TLE2: variants seen among roughly 807,000 people sequenced by gnomAD.
TLE2 encodes TLE family member 2, transcriptional corepressor.
Under a neutral mutation model 97.2 loss-of-function variants are expected in TLE2, and 74 were observed. The observed-to-expected ratio is 0.76, with a 90% confidence interval of 0.63 to 0.92. TLE2 has a LOEUF of 0.92. TLE2 is among the 40% of genes least tolerant of loss of function. The probability of loss-of-function intolerance (pLI) is 0.00; values close to 1 mark genes in which losing one functional copy is unlikely to be tolerated. For missense variants in TLE2, 1,038 were observed against 1,008.7 expected, an observed-to-expected ratio of 1.03 and a Z score of -0.39; for synonymous variants, 499 against 432.1, an observed-to-expected ratio of 1.15 and a Z score of -1.92.
At chr19:3,045,708 G>A (rs1018841564) in intron 1 of TLE2, 19 of 438,528 alleles carry the variant, frequency 4.3e-5, no homozygotes, top group African/African-American at 3.2e-4. Flanking sequence ...GCGGGCGCCT[G>A]TAATCCCAGC....
intron 14 of TLE2, among the ~76,000 whole-genome samples, chr19:3,008,438 G>A (rs1411223387): frequency 3.3e-5 from 5 of 150,728 alleles, no homozygotes; most frequent in African/African-American, 4.9e-5. Flanking sequence ...TTATGCAAGA[G>A]ACTTTTTTTC....
chr19:3,029,493 C>G (rs2090003246), upstream of TLE2: 24 of 982,994 alleles, frequency 2.4e-5, no homozygotes, highest in South Asian at 4.7e-5. Flanking sequence ...TCCCCACCCC[C>G]TCCCGGAGGG....
At chr19:3,035,873 C>T (rs545886582) in intron 1 of TLE2, among the ~76,000 whole-genome samples, 1 of 149,974 alleles carries the variant, frequency 6.7e-6, no homozygotes, top group African/African-American at 2.4e-5. Flanking sequence ...CGAGCTCGAC[C>T]GGATTGGAGG....
rs2089686082 is a variant in TLE2 at position 3,015,653 on chromosome 19, A to G, written c.678T>C (p.Tyr226=). 5.0e-6 allele frequency: 8 copies of G among 1,605,528 alleles called. No homozygotes were observed. The highest frequency in any genetic ancestry group is 1.3e-5 in the African/African-American group (1 of 74,808). Residue 226 remains tyrosine, a splice_region_variant and synonymous_variant, in exon 9 of 20, where the codon TAT becomes TAC. Transcript: ENST00000262953. ...RADEKEPSGP[Y]ESDEDKSDYN... Reference sequence around the variant, plus strand: ...CAGTCCTGCACCTGCCCCCACTCACATAAGGTCCTGATGGCTCCTTCTCAT... The same window carrying G: ...CAGTCCTGCACCTGCCCCCACTCACGTAAGGTCCTGATGGCTCCTTCTCAT...
intron 1 of TLE2, among the ~76,000 whole-genome samples, chr19:3,039,059 A>ATT (rs200996955): frequency 2.2e-5 from 3 of 135,200 alleles, no homozygotes; most frequent in African/African-American, 9.6e-5. Flanking sequence ...AAAAATAAAA[A>ATT]TTAAAAAAAA....
chr19:3,003,375 G>C (rs2089407914), intron 17 of TLE2, among the ~76,000 whole-genome samples: 1 of 152,030 alleles, frequency 6.6e-6, no homozygotes, highest in Admixed American at 6.6e-5. Flanking sequence ...CTGTGGCTCA[G>C]GCCTGTAATC....
intron 17 of TLE2, among the ~76,000 whole-genome samples, 199 bp downstream of exon 17, chr19:3,005,238 A>G (rs1411910364): frequency 6.6e-6 from 1 of 152,104 alleles, no homozygotes; most frequent in Non-Finnish European, 1.5e-5. Flanking sequence ...CCTATGAATC[A>G]GCTCTTTTGT....
In TLE2 at chr19:3,005,835, G is replaced by C. The variant is rs750686889; in HGVS notation, c.1634C>G (p.Ser545Cys). The C allele has an allele frequency of 3.1e-5, 50 of 1,613,878 alleles. No individual in the cohort carries two copies. The highest frequency in any genetic ancestry group is 4.2e-5 in the Non-Finnish European group (50 of 1,179,890). Residue 545 changes from serine to cysteine, a missense_variant, in exon 16 of 20, where the codon TCC becomes TGC. Ser to Cys is a moderately radical substitution (Grantham distance 112). Coordinates refer to ENST00000262953, the MANE Select transcript of TLE2 (RefSeq NM_003260.5). ...CAGGGCGTAGCAGGCTGGGGCTGAG[G>C]AAGTCAGCTCGGCCTTGATACGGGG... ...PTPRIKAELT[S>C]SAPACYALAV...
chr19:3,016,686 C>T (rs1387073614), intron 8 of TLE2, among the ~76,000 whole-genome samples: 1 of 151,964 alleles, frequency 6.6e-6, no homozygotes, highest in Non-Finnish European at 1.5e-5. Flanking sequence ...TATTGCTGAA[C>T]GGCTGATGGC....
intron 8 of TLE2, 103 bp from the exon 9 acceptor site, chr19:3,015,863 T>C (rs1047202853): frequency 9.3e-6 from 8 of 858,048 alleles, no homozygotes; most frequent in African/African-American, 1.7e-5. Context: ...ATTATTAGGG[T>C]CCGGACCTCA....
intron 1 of TLE2, among the ~76,000 whole-genome samples, chr19:3,036,102 T>G (rs1226365982): frequency 1.3e-5 from 2 of 151,994 alleles, no homozygotes; most frequent in East Asian, 3.9e-4. Flanking sequence ...CTGAAGCTCT[T>G]ACCCGAGCCT....
chr19:2,998,134 G>A (rs1193252467), intron 19 of TLE2, among the ~76,000 whole-genome samples, 179 bp from the exon 20 acceptor site: 1 of 151,974 alleles, frequency 6.6e-6, no homozygotes, highest in East Asian at 1.9e-4. Flanking sequence ...GCAGTGGTGC[G>A]ATCTTGGCTC....
At chr19:3,046,950 CT>C (rs1297844691), upstream of TLE2, among the ~76,000 whole-genome samples, 4 of 83,940 alleles carry the variant, frequency 4.8e-5, no homozygotes, top group Non-Finnish European at 1.1e-4. Context: ...CTCCTCCTCC[CT>C]TCCCTCCCTC....
chr19:3,010,393 C>T (rs2089571258), intron 12 of TLE2, among the ~76,000 whole-genome samples: 2 of 151,664 alleles, frequency 1.3e-5, no homozygotes, highest in South Asian at 4.2e-4. Flanking sequence ...AAAACAAAAC[C>T]CAGGCCCAAT....
intron 1 of TLE2, chr19:3,045,660 C>T (rs567458291): frequency 3.9e-4 from 155 of 398,512 alleles, no homozygotes; most frequent in Admixed American, 6.6e-4. Context: ...CACCCCACCC[C>T]GTCTCTACTA....
upstream of TLE2, among the ~76,000 whole-genome samples, chr19:3,032,426 C>A (rs948418864): frequency 1.3e-5 from 2 of 151,740 alleles, no homozygotes; most frequent in Admixed American, 6.6e-5. This position sits in a 1 kb window ranked among gnomAD's most constrained non-coding sequence, Gnocchi z 4.1. Context: ...TTAGTAGAGA[C>A]CGGCTTTCGC....
intron 1 of TLE2, among the ~76,000 whole-genome samples, chr19:3,045,484 A>G (rs2090134878): frequency 6.6e-6 from 1 of 152,114 alleles, no homozygotes; most frequent in African/African-American, 2.4e-5. Flanking sequence ...CTCCCCCACC[A>G]GTCAGTGAGT....
chr19:3,041,961 A>G (rs1025093551), intron 1 of TLE2, among the ~76,000 whole-genome samples: 1 of 151,878 alleles, frequency 6.6e-6, no homozygotes, highest in African/African-American at 2.4e-5. Flanking sequence ...GGCCTAGGGC[A>G]GGGTCGCCCG....
At chr19:3,045,909 C>G (rs2090138022), upstream of TLE2, 1 of 316,454 alleles carries the variant, frequency 3.2e-6, no homozygotes, top group Non-Finnish European at 6.5e-6. Context: ...CCACTTAGAG[C>G]CTCAGTTTCC....
Sources: allele counts gnomAD v4.1 joint callset (sites outside exome capture counted in the v4.1 genomes callset), GRCh38; gene constraint gnomAD v4.1.1; non-coding constraint Gnocchi (gnomAD v3.1); transcripts MANE v1.5; gene names NCBI Gene and HGNC (gene_info 2026-07-23, HGNC 2026-07-21).